The following EZH1 variants were observed in gnomAD, a reference collection of about 807,000 sequenced individuals.
EZH1 encodes the protein histone-lysine N-methyltransferase EZH1.
A neutral mutation model predicts 100.5 loss-of-function variants in EZH1; 33 were observed. The ratio of observed to expected loss-of-function variants is 0.33; its 90% CI spans 0.25 to 0.44. EZH1 has a LOEUF of 0.44. Ranked by LOEUF, EZH1 falls within the 20% of genes least tolerant of loss-of-function variation. The pLI, the probability that EZH1 is intolerant of heterozygous loss-of-function variation, is 1.00. For missense variants in EZH1, 475 were observed against 928.4 expected (o/e 0.51, Z 6.35); for synonymous variants, 272 against 313.8 (o/e 0.87, Z 1.41).
At chr17:42,730,303 C>G (rs146643263) in intron 2 of EZH1, among the ~76,000 whole-genome samples, 120 of 152,134 alleles carry the variant, frequency 7.9e-4, no homozygotes, top group Admixed American at 4.3e-3. Context: ...AAGATCCACC[C>G]ATGCTACAAA....
chr17:42,714,817 T>C (rs2143767097), intron 10 of EZH1, among the ~76,000 whole-genome samples: 1 of 146,636 alleles, frequency 6.8e-6, no homozygotes, highest in African/African-American at 2.5e-5. Flanking sequence ...GTATGAAGTA[T>C]ACAGTATCAA....
At chr17:42,719,254 C>T (rs755940899) in intron 7 of EZH1, 47 bp from the exon 8 acceptor site, 94 of 1,385,198 alleles carry the variant, frequency 6.8e-5, no homozygotes, top group Admixed American at 1.0e-4. Context: ...TATCAGAACA[C>T]GTAAACAAAT....
At chr17:42,704,533 G>A (rs1301297523) in intron 18 of EZH1, 69 bp downstream of exon 18, 1 of 1,296,226 alleles carries the variant, frequency 7.7e-7, no homozygotes, top group African/African-American at 1.5e-5. Flanking sequence ...GGGCAACAGA[G>A]CAAGACTCCG....
intron 17 of EZH1, among the ~76,000 whole-genome samples, 197 bp from the exon 18 acceptor site, chr17:42,704,880 C>T (rs917661079): frequency 6.6e-6 from 1 of 152,184 alleles, no homozygotes; most frequent in Non-Finnish European, 1.5e-5. Context: ...TGAAAAGAGC[C>T]CCCCTCATCT....
At chr17:42,737,850 G>C (rs965737961) in intron 1 of EZH1, among the ~76,000 whole-genome samples, 12 of 152,114 alleles carry the variant, frequency 7.9e-5, no homozygotes, top group Middle Eastern at 6.8e-3. Context: ...GGTGGAAATG[G>C]GAAAACATTA....
rs145523987 is a variant in EZH1, at chr17:42,706,764, C to T, written c.1661-579G>A. On this transcript the variant is annotated intron_variant, in intron 15 of 20. Coordinates refer to ENST00000428826, the MANE Select transcript of EZH1 (RefSeq NM_001991.5). The surrounding 1 kb of genome is among the most constrained non-coding windows in gnomAD (Gnocchi z 4.4). The stretch of plus-strand genomic sequence containing the variant: ...CCCCTAGAGATTCCCCAACAATCCT[C>T]TCCCTCCCACTGAGGTGGAGAGTAC... 6.9e-3 allele frequency among the ~76,000 whole-genome samples: 1,047 copies of T among 152,272 alleles called. 10 individuals are homozygous for T. Among genetic ancestry groups the T allele is most frequent in the African/African-American group, 0.024 (1,004 of 41,550 alleles).
chr17:42,733,376 G>A (rs1339085772), intron 1 of EZH1, among the ~76,000 whole-genome samples: 2 of 150,124 alleles, frequency 1.3e-5, no homozygotes, highest in Non-Finnish European at 3.0e-5. Context: ...GGTGGCTCAC[G>A]CCTGTAATCC....
Position 42,741,400 on chromosome 17 carries a change from G to T in EZH1, c.-103+3611C>A, listed in dbSNP as rs2087624744. On this transcript the variant is annotated intron_variant, in intron 1 of 20. Coordinates refer to ENST00000428826, the MANE Select transcript of EZH1 (RefSeq NM_001991.5). ...CACGCCCAGCTAATTGTAGAAACGG[G>T]GTTTCACCGTGTTGGACAGGCTGGT... Among the ~76,000 whole-genome samples, 2 of 152,074 alleles carry T rather than the reference G, an allele frequency of 1.3e-5. 1 individual carries two copies. The highest frequency in any genetic ancestry group is 1.3e-4 in the Admixed American group (2 of 15,274).
At chr17:42,733,402 G>T (rs897298893) in intron 1 of EZH1, among the ~76,000 whole-genome samples, 1 of 151,740 alleles carries the variant, frequency 6.6e-6, no homozygotes, top group African/African-American at 2.4e-5. Flanking sequence ...AGCACTTTGG[G>T]TGGCCGAGGT....
Position 42,719,109 on chromosome 17 carries a change from C to G in EZH1, c.763G>C (p.Glu255Gln), listed in dbSNP as rs1366545814. Reference protein sequence around the residue: ...PENGVPDDMKERYRELTEMSD... With the variant: ...PENGVPDDMKQRYRELTEMSD... ...AAGTGGGACAGCTTTCCCTACCTCT[C>G]CTTCATGTCATCTGGGACACCATTC... is the stretch of plus-strand genomic sequence containing the variant. The change falls in exon 8 of 21, where the codon GAG becomes CAG. Residue 255 changes from glutamate to glutamine, a missense_variant. Physicochemically the swap from Glu to Gln is conservative, Grantham distance 29. This residue lies in a region of EZH1 where 180 missense variants were observed against 295.3 expected (regional missense o/e 0.61). Coordinates refer to ENST00000428826, the MANE Select transcript of EZH1 (RefSeq NM_001991.5). 1 of 1,612,688 alleles carries G rather than the reference C, an allele frequency of 6.2e-7. No homozygotes were observed. Among genetic ancestry groups the G allele is most frequent in the Non-Finnish European group, 8.5e-7 (1 of 1,178,892 alleles).
intron 4 of EZH1, among the ~76,000 whole-genome samples, chr17:42,726,702 T>C (rs1247292408): frequency 6.6e-6 from 1 of 151,530 alleles, no homozygotes; most frequent in Non-Finnish European, 1.5e-5. Flanking sequence ...TTAGTAGAGA[T>C]GGGGTTTCAC....
chr17:42,738,884 CCT>C (rs1348381079), intron 1 of EZH1, among the ~76,000 whole-genome samples: 5 of 151,808 alleles, frequency 3.3e-5, no homozygotes, highest in African/African-American at 9.7e-5. Context: ...CTCCACCCCC[CCT>C]GAGTAGCTGG....
intron 6 of EZH1, among the ~76,000 whole-genome samples, chr17:42,720,690 C>T (rs1215582405): frequency 1.3e-5 from 2 of 152,002 alleles, no homozygotes; most frequent in African/African-American, 2.4e-5. Flanking sequence ...GACGGAGTTT[C>T]GCCTTATTGC....
At chr17:42,741,501 C>G (rs1006957191) in intron 1 of EZH1, among the ~76,000 whole-genome samples, 1 of 152,152 alleles carries the variant, frequency 6.6e-6, no homozygotes. Context: ...TGAGCCACAA[C>G]GTGGGGGGCC....
rs188811225 is a variant in EZH1, at chr17:42,729,160, A to G, written c.-11-208T>C. ...AGGGGCTCACACCTGTAAAACCAAC[A>G]CTTTAGGAAGCCGAGGTGAGAGCAC... On this transcript the variant is annotated intron_variant, in intron 2 of 20. Coordinates refer to ENST00000428826, the MANE Select transcript of EZH1 (RefSeq NM_001991.5). The G allele has an allele frequency of 6.3e-5, 27 of 425,946 alleles. No homozygotes were observed. The East Asian group carries it at 8.5e-4, about 13-fold the overall frequency. 26.4% of individuals were successfully genotyped at this position (425,946 alleles called of 1,614,324 possible).
intron 13 of EZH1, 124 bp from the exon 14 acceptor site, chr17:42,709,040 C>G (rs1316062439): frequency 5.7e-6 from 6 of 1,055,396 alleles, no homozygotes; most frequent in Non-Finnish European, 8.7e-6. Context: ...CTTCCCAAAC[C>G]CCTCAACAGG....
rs2053743262 is a variant in EZH1, at chr17:42,722,892, G to A, written c.390C>T (p.Cys130=). The change falls in exon 6 of 21, where the codon TGC becomes TGT. Residue 130 remains cysteine (C), a synonymous_variant. Coordinates refer to ENST00000428826, the MANE Select transcript of EZH1 (RefSeq NM_001991.5). ...NFMVEDETVL[C]NIPYMGDEVK... ...CTTCATCTCCCATGTAGGGAATATTGCACAAAACCGTCTCATCTTCTACCT... is the reference window on the plus strand; with the variant it reads ...CTTCATCTCCCATGTAGGGAATATTACACAAAACCGTCTCATCTTCTACCT... 1.9e-6 allele frequency: 3 copies of A among 1,613,476 alleles called. No homozygotes were observed. The South Asian group carries it at 3.3e-5, about 18-fold the overall frequency.
At position 42,700,424 on chromosome 17, in the gene EZH1, C is replaced by G. The variant is rs1047317967; in HGVS notation, c.*2108G>C. ...TGACGTGGTGGGGAGGGGTTGAGACCCATCTTTAAAAGTGGGGGACAGCAG... is the reference window on the plus strand; with the variant it reads ...TGACGTGGTGGGGAGGGGTTGAGACGCATCTTTAAAAGTGGGGGACAGCAG... On this transcript the variant is annotated 3_prime_UTR_variant, in exon 21 of 21. Transcript: ENST00000428826. 2.6e-5 allele frequency: 4 copies of G among 152,732 alleles called. No homozygotes were observed. Among genetic ancestry groups the G allele is most frequent in the African/African-American group, 9.7e-5 (4 of 41,398 alleles). 9.5% of individuals were successfully genotyped at this position (152,732 alleles called of 1,614,324 possible). A position where few individuals can be genotyped will look rare whatever the true frequency, so the allele number is the denominator to read the frequency against.
intron 13 of EZH1, 148 bp from the exon 14 acceptor site, chr17:42,709,064 A>G: frequency 1.2e-6 from 1 of 806,564 alleles, no homozygotes; most frequent in Non-Finnish European, 2.1e-6. Context: ...ACTTTGGTAC[A>G]CAGAAGCTAG....
Sources: gnomAD v4.1 joint callset for allele counts (sites outside exome capture counted in the v4.1 genomes callset) on GRCh38, gnomAD v4.1.1 for gene constraint, gnomAD v4.1.1 regional missense constraint, Gnocchi (gnomAD v3.1) non-coding constraint, MANE v1.5 for transcripts, NCBI Gene and HGNC (gene_info 2026-07-23, HGNC 2026-07-21) for gene names.